The following ANTXR2 variants were observed in gnomAD, a reference collection of about 807,000 sequenced individuals.
ANTXR2 encodes anthrax toxin receptor 2.
ANTXR2 carries 44 observed loss-of-function variants against 73.7 expected under a neutral mutation model. The ratio of observed to expected loss-of-function variants is 0.60; its 90% confidence interval spans 0.47 to 0.77. The LOEUF (loss-of-function observed/expected upper bound fraction) is 0.77. Among genes scored for constraint, ANTXR2 ranks in the 30% least tolerant of loss-of-function variants. ANTXR2 has a pLI of 0.00. For synonymous variants in ANTXR2, 217 were observed against 205.9 expected (o/e 1.05, Z -0.46); for missense variants, 604 against 592.5 (o/e 1.02, Z -0.20).
intron 6 of ANTXR2, 42 bp downstream of exon 6, chr4:80,055,108 T>C (rs1434102293): frequency 6.7e-7 from 1 of 1,493,152 alleles, no homozygotes; most frequent in East Asian, 2.5e-5. Context: ...TTAAGACAAT[T>C]ATGTGGTTCA....
At chr4:79,926,080 G>A (rs1727769077) in intron 16 of ANTXR2, among the ~76,000 whole-genome samples, 2 of 151,914 alleles carry the variant, frequency 1.3e-5, no homozygotes, top group Non-Finnish European at 2.9e-5. Flanking sequence ...TCAAAATAAT[G>A]GCTATGGCAA....
intron 16 of ANTXR2, among the ~76,000 whole-genome samples, chr4:79,908,431 A>G (rs1727002601): frequency 6.6e-6 from 1 of 152,194 alleles, no homozygotes; most frequent in Non-Finnish European, 1.5e-5. Flanking sequence ...GCAACAAAAC[A>G]TTGTTGAAGA....
chr4:79,996,033 A>G (rs118110219), intron 12 of ANTXR2, among the ~76,000 whole-genome samples: 1 of 152,006 alleles, frequency 6.6e-6, no homozygotes, highest in East Asian at 1.9e-4. Context: ...TTTCATAATA[A>G]CTCTGTGCAA....
At chr4:79,922,540 T>C (rs896808837) in intron 16 of ANTXR2, among the ~76,000 whole-genome samples, 14 of 152,174 alleles carry the variant, frequency 9.2e-5, no homozygotes, top group South Asian at 4.1e-4. Flanking sequence ...CATACAAGCA[T>C]ATAGATACAT....
At chr4:79,914,773 A>C (rs1224471759) in intron 16 of ANTXR2, among the ~76,000 whole-genome samples, 2 of 152,214 alleles carry the variant, frequency 1.3e-5, no homozygotes, top group Admixed American at 1.3e-4. Flanking sequence ...TTCTTCTATG[A>C]TAACAAATCT....
chr4:79,989,800 T>C (rs1267425414), intron 12 of ANTXR2, among the ~76,000 whole-genome samples: 4 of 152,072 alleles, frequency 2.6e-5, no homozygotes, highest in Non-Finnish European at 5.9e-5. Context: ...CAGTAGACTT[T>C]ATCCCTGGGA....
intron 10 of ANTXR2, among the ~76,000 whole-genome samples, chr4:80,022,050 G>A (rs903754432): frequency 2.0e-5 from 3 of 152,124 alleles, no homozygotes; most frequent in African/African-American, 7.2e-5. Flanking sequence ...AGCTTATAAA[G>A]GTAACTTGTC....
intron 12 of ANTXR2, among the ~76,000 whole-genome samples, chr4:79,993,782 A>ACACACACCCACACACG (rs755550984): frequency 1.9e-4 from 29 of 151,520 alleles, no homozygotes; most frequent in South Asian, 1.7e-3. Flanking sequence ...ACACACACAC[A>ACACACACCCACACACG]CATGCACTTT....
At chr4:79,926,967 G>GTTTATATATACACA in intron 16 of ANTXR2, among the ~76,000 whole-genome samples, 1 of 45,598 alleles carries the variant, frequency 2.2e-5, no homozygotes, top group Non-Finnish European at 4.4e-5. Flanking sequence ...GTGCATATAT[G>GTTTATATATACACA]TGTATATATA....
At chr4:80,026,416 C>G (rs1035644180) in intron 10 of ANTXR2, among the ~76,000 whole-genome samples, 1 of 152,144 alleles carries the variant, frequency 6.6e-6, no homozygotes, top group Non-Finnish European at 1.5e-5. Flanking sequence ...ATTACCCAGT[C>G]TCGGCAGTTC....
At chr4:79,960,019 CATG>C (rs1188938691) in intron 16 of ANTXR2, among the ~76,000 whole-genome samples, 3 of 152,100 alleles carry the variant, frequency 2.0e-5, no homozygotes, top group African/African-American at 7.2e-5. Context: ...CGTATGTAAA[CATG>C]ATATTTGAAC....
In ANTXR2 at chr4:80,035,898, G is replaced by C. The variant is rs1029331991; in HGVS notation, c.697+74C>G. The C allele has an allele frequency of 1.5e-5, 19 of 1,269,096 alleles. No individual in the cohort carries two copies. In the African/African-American group the frequency reaches 2.9e-4, roughly 20 times the overall value. The allele number at this position is 1,269,096 out of a possible 1,614,324, so 78.6% of individuals were successfully genotyped here. On this transcript the variant is annotated intron_variant, in intron 8 of 16. Coordinates refer to ENST00000403729, the MANE Select transcript of ANTXR2 (RefSeq NM_058172.6). Reference sequence around the variant, plus strand: ...TTTTGCTATTCTTTTTCCAACATGAGTTTCATATCATATATTTTAGCTAGG... The same window carrying C: ...TTTTGCTATTCTTTTTCCAACATGACTTTCATATCATATATTTTAGCTAGG...
rs1199553386 is a variant in ANTXR2 at position 79,983,953 on chromosome 4, CA to C, written c.1103del (p.Leu368CysfsTer41). 1 of 1,598,210 alleles carries C rather than the reference CA, an allele frequency of 6.3e-7. No individual in the cohort carries two copies. The highest frequency in any genetic ancestry group is 8.5e-7 in the Non-Finnish European group (1 of 1,174,370). On this transcript the variant is annotated frameshift_variant, in exon 14 of 17. Transcript: ENST00000403729. LOFTEE classifies it high-confidence loss of function. ...PAPKEEEEEPLPTKKWPTVDA... is the reference protein window; with the variant it reads ...PAPKEEEEEPXPTKKWPTVDA... Reference sequence around the variant, plus strand: ...CCACAGTTGGCCACTTTTTAGTAGGCAAAGGTTCTTCTTCCTCCTGTGGAAA... The same window carrying C: ...CCACAGTTGGCCACTTTTTAGTAGGCAAGGTTCTTCTTCCTCCTGTGGAAA...
Position 79,902,385 on chromosome 4 carries a change from G to A in ANTXR2, c.*5044C>T, listed in dbSNP as rs1215955919. The A allele has an allele frequency of 6.6e-6, 1 of 152,034 alleles. No individual in the cohort carries two copies. The highest frequency in any genetic ancestry group is 1.5e-5 in the Non-Finnish European group (1 of 67,994). 9.4% of individuals were successfully genotyped at this position (152,034 alleles called of 1,614,324 possible). ...TGAATACTTGCTATGGGTAGCACAGGCATAGTAACTGTCAATTAAGACTTT... is the reference window on the plus strand; with the variant it reads ...TGAATACTTGCTATGGGTAGCACAGACATAGTAACTGTCAATTAAGACTTT... On this transcript the variant is annotated 3_prime_UTR_variant, in exon 17 of 17. Transcript: ENST00000403729.
At chr4:80,039,707 T>C (rs1441170509) in intron 7 of ANTXR2, among the ~76,000 whole-genome samples, 1 of 152,130 alleles carries the variant, frequency 6.6e-6, no homozygotes, top group Non-Finnish European at 1.5e-5. Context: ...TTAGCCACTG[T>C]GGAAAGCAGT....
intron 16 of ANTXR2, among the ~76,000 whole-genome samples, chr4:79,934,544 A>ACAAC (rs11419095): frequency 1.6e-5 from 2 of 128,984 alleles, no homozygotes; most frequent in African/African-American, 5.1e-5. Flanking sequence ...AACAACAACA[A>ACAAC]AAAAAAAAAA....
At chr4:80,050,166 T>A (rs535909736) in intron 7 of ANTXR2, among the ~76,000 whole-genome samples, 21 of 151,858 alleles carry the variant, frequency 1.4e-4, no homozygotes, top group African/African-American at 5.1e-4. Context: ...GTGTCTCTCC[T>A]CTGAATGTGC....
At chr4:79,999,265 G>T (rs977852106) in intron 12 of ANTXR2, among the ~76,000 whole-genome samples, 1 of 151,812 alleles carries the variant, frequency 6.6e-6, no homozygotes. Context: ...TCATGGAGGC[G>T]GTTTTCCCCA....
At chr4:79,932,628 C>G (rs1168335834) in intron 16 of ANTXR2, among the ~76,000 whole-genome samples, 1 of 151,570 alleles carries the variant, frequency 6.6e-6, no homozygotes, top group African/African-American at 2.4e-5. Flanking sequence ...CCCGTCTCTA[C>G]TAAAAATACA....
Sources: gnomAD v4.1 joint callset for allele counts (sites outside exome capture counted in the v4.1 genomes callset) on GRCh38, gnomAD v4.1.1 for gene constraint, MANE v1.5 for transcripts, NCBI Gene and HGNC (gene_info 2026-07-23, HGNC 2026-07-21) for gene names.